Variants in FAM81A observed in about 807,000 individuals in gnomAD.
The protein encoded by FAM81A is protein FAM81A.
FAM81A carries 19 observed loss-of-function variants against 46.7 expected under a neutral mutation model. The ratio of observed to expected loss-of-function variants is 0.41; its 90% confidence interval spans 0.28 to 0.60. The LOEUF is 0.60. FAM81A is among the 20% of genes least tolerant of loss of function. The pLI, the probability that FAM81A is intolerant of heterozygous loss-of-function variation, is 0.34. For synonymous variants in FAM81A, 183 were observed against 152.9 expected (o/e 1.20, Z -1.45); for missense variants, 377 against 453.5 (o/e 0.83, Z 1.53).
At chr15:59,511,944 C>T (rs551939284) in intron 6 of FAM81A, among the ~76,000 whole-genome samples, 17 of 152,120 alleles carry the variant, frequency 1.1e-4, no homozygotes, top group East Asian at 1.9e-4. Flanking sequence ...CCACTGCACC[C>T]GGCCCATAAC....
rs2081174294 is a variant in FAM81A at position 59,421,802 on chromosome 15, A to ACCTACCTAC, written c.-78+19445_-78+19446insCTACCTACC. Among the ~76,000 whole-genome samples the ACCTACCTAC allele has an allele frequency of 7.6e-5, 11 of 143,828 alleles. 1 individual carries two copies. Among genetic ancestry groups the ACCTACCTAC allele is most frequent in the Non-Finnish European group, 1.1e-4 (7 of 66,006 alleles). 94.4% of individuals were successfully genotyped at this position (143,828 alleles called of 152,430 possible). A position where few individuals can be genotyped will look rare whatever the true frequency, so the allele number is the denominator to read the frequency against. The stretch of plus-strand genomic sequence containing the variant: ...ATCTATCTATCTATCTACCTACCTA[A>ACCTACCTAC]CTACCTACCAAAAAAGCATTGAGGT... On this transcript the variant is annotated intron_variant, in intron 2 of 4. Coordinates refer to the FAM81A transcript ENST00000558348.
intron 1 of FAM81A, among the ~76,000 whole-genome samples, chr15:59,449,965 A>G (rs369637618): frequency 7.3e-5 from 11 of 151,048 alleles, no homozygotes; most frequent in African/African-American, 2.4e-4. Context: ...GCTGTTGCCC[A>G]GGCTGGAATG....
intron 4 of FAM81A, among the ~76,000 whole-genome samples, chr15:59,494,700 T>C (rs2082015961): frequency 1.3e-5 from 2 of 152,212 alleles, no homozygotes; most frequent in South Asian, 2.1e-4. Context: ...AAATAAAAAT[T>C]CTTTGGAAAA....
intron 1 of FAM81A, among the ~76,000 whole-genome samples, chr15:59,440,748 C>T (rs567906118): frequency 6.6e-6 from 1 of 152,324 alleles, no homozygotes; most frequent in East Asian, 1.9e-4. Flanking sequence ...CTGTTCCAAT[C>T]CTTCAGCCCC....
chr15:59,481,993 G>C (rs1428481050), intron 3 of FAM81A, among the ~76,000 whole-genome samples: 1 of 151,558 alleles, frequency 6.6e-6, no homozygotes, highest in East Asian at 1.9e-4. Context: ...GCATTTTTTG[G>C]TTCATAGCAA....
intron 2 of FAM81A, among the ~76,000 whole-genome samples, chr15:59,414,823 T>C (rs2081138629): frequency 6.7e-6 from 1 of 150,124 alleles, no homozygotes; most frequent in Non-Finnish European, 1.5e-5. Flanking sequence ...GGAAAAAACT[T>C]TTTTTTTTTT....
At chr15:59,494,433 G>A (rs886373430) in intron 4 of FAM81A, among the ~76,000 whole-genome samples, 6 of 152,174 alleles carry the variant, frequency 3.9e-5, no homozygotes, top group Non-Finnish European at 5.9e-5. Flanking sequence ...TATCATCTCA[G>A]GGGCAAGAGC....
At chr15:59,436,809 C>G (rs2081246295), upstream of FAM81A, among the ~76,000 whole-genome samples, 1 of 151,932 alleles carries the variant, frequency 6.6e-6, no homozygotes. Context: ...TGCTGTTATA[C>G]CAGATCTACA....
intron 3 of FAM81A, among the ~76,000 whole-genome samples, chr15:59,488,614 T>A (rs887841493): frequency 2.6e-5 from 4 of 152,248 alleles, no homozygotes; most frequent in African/African-American, 9.6e-5. Flanking sequence ...GTGGCATTTC[T>A]ATATGCCAAT....
intron 1 of FAM81A, among the ~76,000 whole-genome samples, chr15:59,455,053 A>G (rs946670195): frequency 6.3e-5 from 9 of 143,882 alleles, no homozygotes; most frequent in African/African-American, 1.8e-4. Flanking sequence ...GTGTGCCACC[A>G]CACCTGGCTA....
rs572093127 is a variant in FAM81A, at chr15:59,442,218, A to T, written c.-78+3936A>T. ...ACATTTCACTCAGAATGTAATACTC[A>T]GAAGCCTGACTGCTTTGTCTCTACC... On this transcript the variant is annotated intron_variant, in intron 1 of 8. Coordinates refer to ENST00000288228, the MANE Select transcript of FAM81A (RefSeq NM_152450.3). Among the ~76,000 whole-genome samples, 13 of 152,324 alleles carry T rather than the reference A, an allele frequency of 8.5e-5. 1 individual carries two copies. The East Asian group carries it at 2.5e-3, about 29-fold the overall frequency.
intron 2 of FAM81A, among the ~76,000 whole-genome samples, chr15:59,415,268 A>G (rs1425949853): frequency 6.6e-6 from 1 of 151,920 alleles, no homozygotes; most frequent in Non-Finnish European, 1.5e-5. Flanking sequence ...ACAGGCATGT[A>G]ACACCACGCC....
intron 6 of FAM81A, among the ~76,000 whole-genome samples, chr15:59,512,298 C>A (rs558382312): frequency 6.6e-6 from 1 of 151,702 alleles, no homozygotes; most frequent in South Asian, 2.1e-4. Context: ...CATGGTGAAA[C>A]CCTGTCTGTA....
chr15:59,403,691 TGG>T (rs2081081738), intron 2 of FAM81A, among the ~76,000 whole-genome samples: 1 of 152,132 alleles, frequency 6.6e-6, no homozygotes, highest in Non-Finnish European at 1.5e-5. Flanking sequence ...AGTGGAGATC[TGG>T]TTAGAGTTGA....
At chr15:59,406,894 T>G (rs2081097436) in intron 2 of FAM81A, 1 of 152,164 alleles carries the variant, frequency 6.6e-6, no homozygotes, top group African/African-American at 2.4e-5. Flanking sequence ...AGTTTTTTTT[T>G]TTTTTTTTTA....
At chr15:59,505,959 C>T (rs2082144611) in intron 4 of FAM81A, among the ~76,000 whole-genome samples, 1 of 152,110 alleles carries the variant, frequency 6.6e-6, no homozygotes, top group East Asian at 1.9e-4. Context: ...AAATGAATCT[C>T]CCAATATATT....
chr15:59,483,549 A>G (rs2081880818), intron 3 of FAM81A, among the ~76,000 whole-genome samples: 2 of 152,212 alleles, frequency 1.3e-5, no homozygotes, highest in Admixed American at 1.3e-4. Context: ...ATGTAAGCAT[A>G]ATTACATCTC....
In FAM81A at chr15:59,502,485, C is replaced by CTGTGTGTGTGTG. The variant is rs71119478; in HGVS notation, c.414-4696_414-4685dup. Among the ~76,000 whole-genome samples, 103 of 138,278 alleles carry CTGTGTGTGTGTG rather than the reference C, an allele frequency of 7.4e-4. 1 individual carries two copies. The highest frequency in any genetic ancestry group is 2.3e-3 in the South Asian group (9 of 3,990). 90.7% of individuals were successfully genotyped at this position (138,278 alleles called of 152,430 possible). A position where few individuals can be genotyped will look rare whatever the true frequency, so the allele number is the denominator to read the frequency against. ...CATAAAAAAACCAGAGTTGACTTCA[C>CTGTGTGTGTGTG]TGTGTGTGTGTGTGTGTGTGTGTGT... On this transcript the variant is annotated intron_variant, in intron 4 of 8. Transcript: ENST00000288228.
At chr15:59,485,120 T>C (rs941395159) in intron 3 of FAM81A, among the ~76,000 whole-genome samples, 3 of 152,194 alleles carry the variant, frequency 2.0e-5, no homozygotes, top group African/African-American at 7.2e-5. Flanking sequence ...GGTAGATTTC[T>C]AAGGTTTCTG....
Sources: gnomAD v4.1 joint callset for allele counts (sites outside exome capture counted in the v4.1 genomes callset) on GRCh38, gnomAD v4.1.1 for gene constraint, MANE v1.5 for transcripts, NCBI Gene and HGNC (gene_info 2026-07-23, HGNC 2026-07-21) for gene names.